The following MACROD2 variants were observed in gnomAD, a reference collection of about 807,000 sequenced individuals.
The protein encoded by MACROD2 is mono-ADP ribosylhydrolase 2.
MACROD2 carries 36 observed loss-of-function variants against 70.4 expected under a neutral mutation model. That is an observed-to-expected ratio of 0.51 (90% CI 0.39 to 0.68). The LOEUF is 0.68. Among genes scored for constraint, MACROD2 ranks in the 30% least tolerant of loss-of-function variants. The pLI is 0.00. For missense variants in MACROD2, 496 were observed against 538.4 expected (o/e 0.92, Z 0.78); for synonymous variants, 172 against 178.8 (o/e 0.96, Z 0.30).
intron 3 of MACROD2, among the ~76,000 whole-genome samples, chr20:14,463,373 G>A (rs1414606683): frequency 2.0e-5 from 3 of 151,920 alleles, no homozygotes; most frequent in African/African-American, 7.3e-5. Flanking sequence ...TGTGATTTTT[G>A]CACATTGATT....
At chr20:15,369,504 C>T (rs1227157462) in intron 6 of MACROD2, among the ~76,000 whole-genome samples, 1 of 152,072 alleles carries the variant, frequency 6.6e-6, no homozygotes, top group Non-Finnish European at 1.5e-5. Flanking sequence ...TTTATCTCAA[C>T]AAAAAAGTCT....
At chr20:15,297,592 C>G (rs181971012) in intron 6 of MACROD2, among the ~76,000 whole-genome samples, 37 of 152,298 alleles carry the variant, frequency 2.4e-4, no homozygotes, top group African/African-American at 8.9e-4. Flanking sequence ...TCCATTCTCT[C>G]TATTCATTCT....
intron 5 of MACROD2, among the ~76,000 whole-genome samples, chr20:15,190,717 G>A (rs752519359): frequency 6.6e-6 from 1 of 152,186 alleles, no homozygotes; most frequent in East Asian, 1.9e-4. Context: ...GCAGGCAAAA[G>A]GAGTGAGGGG....
intron 3 of MACROD2, among the ~76,000 whole-genome samples, chr20:14,109,558 A>G (rs1331402818): frequency 6.6e-6 from 1 of 151,944 alleles, no homozygotes; most frequent in Non-Finnish European, 1.5e-5. Flanking sequence ...GAGATGAAAA[A>G]GGAGACATTA....
intron 7 of MACROD2, among the ~76,000 whole-genome samples, chr20:15,455,111 G>A (rs6079838): frequency 0.35 from 53,838 of 152,004 alleles, 10,337 homozygotes; most frequent in East Asian, 0.72. Context: ...AGCCAACAGC[G>A]AGAATTACAT....
At chr20:15,048,130 G>A (rs1299923486) in intron 5 of MACROD2, among the ~76,000 whole-genome samples, 1 of 114,198 alleles carries the variant, frequency 8.8e-6, no homozygotes, top group Non-Finnish European at 2.1e-5. Context: ...TAAAAAATTA[G>A]CCAGGTGTGG....
At chr20:14,588,540 A>G (rs2423834) in intron 4 of MACROD2, among the ~76,000 whole-genome samples, 80,142 of 151,968 alleles carry the variant, frequency 0.53, 22,629 homozygotes, top group East Asian at 0.65. Flanking sequence ...CTTACACTGT[A>G]TTTCTGATGT....
intron 5 of MACROD2, among the ~76,000 whole-genome samples, chr20:14,792,402 T>C (rs763673794): frequency 2.8e-4 from 42 of 152,100 alleles, no homozygotes; most frequent in Non-Finnish European, 4.7e-4. Context: ...AGGTTATTTT[T>C]GTTCTCTAAG....
chr20:14,374,844 A>G (rs1180382394), intron 3 of MACROD2, among the ~76,000 whole-genome samples: 1 of 152,182 alleles, frequency 6.6e-6, no homozygotes, highest in African/African-American at 2.4e-5. Context: ...CTTTTTGATT[A>G]GGAGTTTTTG....
chr20:15,032,455 C>T (rs1032789403), intron 5 of MACROD2, among the ~76,000 whole-genome samples: 3 of 152,208 alleles, frequency 2.0e-5, no homozygotes, highest in Admixed American at 6.5e-5. Context: ...ATTCTGCAGG[C>T]CGATTGCCCA....
chr20:15,157,713 A>T (rs1601155339), intron 5 of MACROD2, among the ~76,000 whole-genome samples: 1 of 152,058 alleles, frequency 6.6e-6, no homozygotes, highest in Non-Finnish European at 1.5e-5. Context: ...CACCTGGGCT[A>T]CCCCAGCCAA....
At chr20:14,349,808 TTTTTTC>T (rs1436895466) in intron 3 of MACROD2, among the ~76,000 whole-genome samples, 1 of 145,874 alleles carries the variant, frequency 6.9e-6, no homozygotes, top group Admixed American at 7.2e-5. Flanking sequence ...ATCTTATTCT[TTTTTTC>T]TTTTTTTTTT....
chr20:14,927,102 C>T (rs1330422670), intron 5 of MACROD2, among the ~76,000 whole-genome samples: 1 of 152,136 alleles, frequency 6.6e-6, no homozygotes, highest in Non-Finnish European at 1.5e-5. Flanking sequence ...CTTGCCTTCT[C>T]CTGCCTATTT....
chr20:14,962,017 G>C (rs370302640), intron 5 of MACROD2, among the ~76,000 whole-genome samples: 41 of 151,380 alleles, frequency 2.7e-4, no homozygotes, highest in African/African-American at 9.5e-4. Flanking sequence ...TCTCACTCTC[G>C]CTCAGACTGG....
chr20:14,325,427 G>A, intron 3 of MACROD2: 1 of 884,268 alleles, frequency 1.1e-6, no homozygotes, highest in Admixed American at 2.9e-5. Context: ...TAAATTATAT[G>A]GCAAATGTAC....
At chr20:14,985,776 A>AT (rs1343782758) in intron 5 of MACROD2, among the ~76,000 whole-genome samples, 2 of 85,018 alleles carry the variant, frequency 2.4e-5, no homozygotes, top group African/African-American at 5.0e-5. Flanking sequence ...TCTTATTTTT[A>AT]TTTTTTATTT....
At chr20:15,415,046 G>A (rs2046127752) in intron 6 of MACROD2, among the ~76,000 whole-genome samples, 1 of 152,208 alleles carries the variant, frequency 6.6e-6, no homozygotes, top group African/African-American at 2.4e-5. Flanking sequence ...CAAAAATGGT[G>A]GAGAGGGGAG....
intron 3 of MACROD2, among the ~76,000 whole-genome samples, chr20:14,232,430 T>C (rs2081824415): frequency 6.6e-6 from 1 of 152,214 alleles, no homozygotes; most frequent in South Asian, 2.1e-4. Context: ...AATCTCTTGT[T>C]TAGTATAGCC....
At chr20:15,701,793 T>A (rs2050463168) in intron 8 of MACROD2, among the ~76,000 whole-genome samples, 1 of 152,206 alleles carries the variant, frequency 6.6e-6, no homozygotes, top group South Asian at 2.1e-4. Context: ...CAATAGGTAG[T>A]TTGTCAGGCT....
Sources: allele counts gnomAD v4.1 joint callset (sites outside exome capture counted in the v4.1 genomes callset), GRCh38; gene constraint gnomAD v4.1.1; transcripts MANE v1.5; gene names NCBI Gene and HGNC (gene_info 2026-07-23, HGNC 2026-07-21).